Variants in FBXL7 observed in about 807,000 individuals in gnomAD.
The protein encoded by FBXL7 is F-box and leucine rich repeat protein 7.
Under a neutral mutation model 38.3 loss-of-function variants are expected in FBXL7, and 12 were observed. That is an observed-to-expected ratio of 0.31 (90% CI 0.20 to 0.51). The LOEUF (loss-of-function observed/expected upper bound fraction) is 0.51. FBXL7 is among the 20% of genes least tolerant of loss of function. FBXL7 has a pLI of 0.98. For synonymous variants in FBXL7, 297 were observed against 300.9 expected (o/e 0.99, Z 0.13); for missense variants, 567 against 676.4 (o/e 0.84, Z 1.79).
chr5:15,759,068 A>G (rs1056759767), intron 2 of FBXL7, among the ~76,000 whole-genome samples: 1 of 152,234 alleles, frequency 6.6e-6, no homozygotes, highest in Non-Finnish European at 1.5e-5. Context: ...AATCGTGGCC[A>G]CACATAAGCC....
chr5:15,875,087 C>T (rs1740143208), intron 2 of FBXL7, among the ~76,000 whole-genome samples: 1 of 151,636 alleles, frequency 6.6e-6, no homozygotes, highest in Admixed American at 6.6e-5. Context: ...TGGAACAGAA[C>T]AGAGGCCTCA....
At chr5:15,698,855 C>T (rs1281030874) in intron 2 of FBXL7, among the ~76,000 whole-genome samples, 2 of 152,184 alleles carry the variant, frequency 1.3e-5, no homozygotes, top group Non-Finnish European at 2.9e-5. Flanking sequence ...TTCTTTTAGA[C>T]AAGGTTTGCA....
chr5:15,751,038 A>AT (rs556058085), intron 2 of FBXL7, among the ~76,000 whole-genome samples: 227 of 150,200 alleles, frequency 1.5e-3, no homozygotes, highest in East Asian at 4.7e-3. Context: ...AAGAATGATG[A>AT]TTTTTTTTTT....
intron 2 of FBXL7, among the ~76,000 whole-genome samples, chr5:15,637,062 C>T (rs1741210711): frequency 6.6e-6 from 1 of 152,178 alleles, no homozygotes; most frequent in Admixed American, 6.6e-5. Flanking sequence ...CTTCCAATGA[C>T]TCCATTCTCA....
intron 1 of FBXL7, among the ~76,000 whole-genome samples, chr5:15,517,776 ATTAAT>A (rs1219966736): frequency 4.6e-5 from 7 of 152,216 alleles, no homozygotes; most frequent in Non-Finnish European, 8.8e-5. Flanking sequence ...AAGGACCATC[ATTAAT>A]TTAACTCACG....
At chr5:15,529,015 C>A (rs886087310) in intron 1 of FBXL7, among the ~76,000 whole-genome samples, 4 of 152,294 alleles carry the variant, frequency 2.6e-5, no homozygotes, top group African/African-American at 9.6e-5. Context: ...CGCTAGACCT[C>A]TTAAATGTAT....
At chr5:15,541,810 G>A (rs1028370309) in intron 1 of FBXL7, among the ~76,000 whole-genome samples, 1 of 151,868 alleles carries the variant, frequency 6.6e-6, no homozygotes, top group African/African-American at 2.4e-5. Flanking sequence ...CTCCCAAAGT[G>A]CTAGGATTAC....
intron 2 of FBXL7, among the ~76,000 whole-genome samples, chr5:15,659,287 A>T (rs762073591): frequency 6.6e-6 from 1 of 152,230 alleles, no homozygotes; most frequent in Non-Finnish European, 1.5e-5. Flanking sequence ...TGAAGGAAAA[A>T]AAAATGCAAG....
intron 2 of FBXL7, among the ~76,000 whole-genome samples, chr5:15,782,953 G>A (rs1037418042): frequency 6.6e-6 from 1 of 152,084 alleles, no homozygotes; most frequent in African/African-American, 2.4e-5. Context: ...TTATTTGACA[G>A]TTGCAATAAT....
chr5:15,717,686 G>A (rs953201115), intron 2 of FBXL7, among the ~76,000 whole-genome samples: 6 of 152,198 alleles, frequency 3.9e-5, no homozygotes, highest in Non-Finnish European at 7.3e-5. Flanking sequence ...ACATTGCTGT[G>A]TTGTATATCG....
At chr5:15,553,123 CA>C (rs1026339821) in intron 1 of FBXL7, among the ~76,000 whole-genome samples, 2 of 151,740 alleles carry the variant, frequency 1.3e-5, no homozygotes, top group African/African-American at 2.4e-5. Flanking sequence ...CAAAAACCCC[CA>C]AAAAACAAAA....
intron 1 of FBXL7, among the ~76,000 whole-genome samples, chr5:15,520,731 C>T (rs2126373577): frequency 6.6e-6 from 1 of 152,198 alleles, no homozygotes; most frequent in South Asian, 2.1e-4. Context: ...AACAAAAATG[C>T]CTCAGTTTTT....
At chr5:15,540,997 C>G (rs759159568) in intron 1 of FBXL7, among the ~76,000 whole-genome samples, 1 of 151,976 alleles carries the variant, frequency 6.6e-6, no homozygotes, top group Non-Finnish European at 1.5e-5. Flanking sequence ...GATTTTCTTT[C>G]ATTTACTTTA....
chr5:15,833,109 C>T (rs898417219), intron 2 of FBXL7, among the ~76,000 whole-genome samples: 3 of 152,136 alleles, frequency 2.0e-5, no homozygotes, highest in Non-Finnish European at 4.4e-5. Flanking sequence ...TTGATTAAAC[C>T]TCTTTCTTTT....
intron 2 of FBXL7, among the ~76,000 whole-genome samples, chr5:15,684,140 C>T (rs2126613689): frequency 6.6e-6 from 1 of 152,320 alleles, no homozygotes; most frequent in African/African-American, 2.4e-5. Flanking sequence ...TCCACCCATT[C>T]ACTTCTCAAA....
chr5:15,814,446 G>A (rs1164204867), intron 2 of FBXL7, among the ~76,000 whole-genome samples: 1 of 152,036 alleles, frequency 6.6e-6, no homozygotes, highest in Non-Finnish European at 1.5e-5. Context: ...GACTAGGGGA[G>A]GGATAGCATT....
intron 3 of FBXL7, among the ~76,000 whole-genome samples, chr5:15,934,735 G>A (rs1742132514): frequency 6.6e-6 from 1 of 152,140 alleles, no homozygotes; most frequent in Admixed American, 6.5e-5. Context: ...AAGACTGTTG[G>A]AAGTTGGATG....
chr5:15,742,331 C>G (rs1188356314), intron 2 of FBXL7, among the ~76,000 whole-genome samples: 2 of 152,164 alleles, frequency 1.3e-5, no homozygotes, highest in Non-Finnish European at 2.9e-5. Flanking sequence ...AAGGAGGATG[C>G]AAAAGCTCCT....
chr5:15,709,779 G>T (rs1178639155), intron 2 of FBXL7, among the ~76,000 whole-genome samples: 1 of 152,176 alleles, frequency 6.6e-6, no homozygotes. Context: ...GGAAGTCCAA[G>T]ATCAAGGTGC....
Sources: gnomAD v4.1 joint callset for allele counts (sites outside exome capture counted in the v4.1 genomes callset) on GRCh38, gnomAD v4.1.1 for gene constraint, MANE v1.5 for transcripts, NCBI Gene and HGNC (gene_info 2026-07-23, HGNC 2026-07-21) for gene names.